ENTREP2: variants seen among roughly 807,000 people sequenced by gnomAD.
ENTREP2 encodes the protein endosomal transmembrane epsin interactor 2, also known as protein ENTREP2.
At chr15:29,389,749 G>A in the ENTREP2 span, among the ~76,000 whole-genome samples, 8 of 152,200 alleles carry the variant, frequency 5.3e-5, no homozygotes, top group East Asian at 7.8e-4. Context: ...GCCGCCTGAC[G>A]CTGCTCCCTG....
At chr15:29,642,484 T>C in the ENTREP2 span, among the ~76,000 whole-genome samples, 2 of 147,232 alleles carry the variant, frequency 1.4e-5, no homozygotes, top group African/African-American at 5.0e-5. Flanking sequence ...TATATACACA[T>C]ATATACATAT....
chr15:29,638,004 G>A, the ENTREP2 span, among the ~76,000 whole-genome samples: 6 of 152,304 alleles, frequency 3.9e-5, no homozygotes, highest in East Asian at 5.8e-4. Context: ...ACAAGGACAC[G>A]CAGGAGGCTG....
chr15:29,228,964 T>C, the ENTREP2 span, among the ~76,000 whole-genome samples: 49,997 of 151,668 alleles, frequency 0.33, 9,538 homozygotes, highest in East Asian at 0.6. Flanking sequence ...CTTTTCTTTT[T>C]TAAATTAAAA....
At chr15:29,184,230 C>G in the ENTREP2 span, among the ~76,000 whole-genome samples, 53,142 of 152,118 alleles carry the variant, frequency 0.35, 9,547 homozygotes, top group East Asian at 0.55. Context: ...AGCGATCCGC[C>G]GGCCTCGGCC....
the ENTREP2 span, chr15:29,128,826 G>A: frequency 1.9e-6 from 3 of 1,550,958 alleles, no homozygotes; most frequent in Non-Finnish European, 2.6e-6. Flanking sequence ...TTGGGTCCCC[G>A]GAGCTGGACT....
the ENTREP2 span, among the ~76,000 whole-genome samples, chr15:29,330,942 A>G: frequency 6.6e-6 from 1 of 152,154 alleles, no homozygotes; most frequent in Non-Finnish European, 1.5e-5. Flanking sequence ...ACAGCCAACC[A>G]CACCCCACCC....
the ENTREP2 span, among the ~76,000 whole-genome samples, chr15:29,554,394 G>A: frequency 6.6e-6 from 1 of 151,208 alleles, no homozygotes; most frequent in African/African-American, 2.4e-5. Flanking sequence ...GAGGGAGAGA[G>A]GGAGGAAAGG....
At chr15:29,575,242 C>G in the ENTREP2 span, among the ~76,000 whole-genome samples, 1 of 152,094 alleles carries the variant, frequency 6.6e-6, no homozygotes, top group Admixed American at 6.5e-5. Context: ...TTGCACAAGC[C>G]CCTAGGAGCT....
At chr15:29,153,141 T>G in the ENTREP2 span, among the ~76,000 whole-genome samples, 9 of 123,186 alleles carry the variant, frequency 7.3e-5, no homozygotes, top group Non-Finnish European at 1.4e-4. Context: ...GATTGTAATG[T>G]TTACTTTTTT....
the ENTREP2 span, among the ~76,000 whole-genome samples, chr15:29,439,744 C>G: frequency 1.1e-3 from 175 of 152,322 alleles, no homozygotes; most frequent in African/African-American, 4.1e-3. Context: ...TTGACACGCT[C>G]TCCCCCAGGA....
the ENTREP2 span, among the ~76,000 whole-genome samples, chr15:29,531,909 A>G: frequency 1.1e-4 from 16 of 152,130 alleles, no homozygotes; most frequent in Admixed American, 9.8e-4. Flanking sequence ...CAGGTGATCC[A>G]CCTGCCCCTA....
the ENTREP2 span, among the ~76,000 whole-genome samples, chr15:29,285,452 C>T: frequency 6.6e-6 from 1 of 152,092 alleles, no homozygotes; most frequent in Non-Finnish European, 1.5e-5. Flanking sequence ...CAGCCTTTCC[C>T]AAAACATTTG....
At chr15:29,136,078 C>T in the ENTREP2 span, among the ~76,000 whole-genome samples, 4 of 152,248 alleles carry the variant, frequency 2.6e-5, no homozygotes, top group Admixed American at 2.6e-4. Flanking sequence ...GGGAAAAGCA[C>T]CAGCACTGGG....
chr15:29,204,345 G>C, the ENTREP2 span, among the ~76,000 whole-genome samples: 1 of 152,172 alleles, frequency 6.6e-6, no homozygotes, highest in Non-Finnish European at 1.5e-5. Context: ...TCTTACAGAA[G>C]TACAAATGGG....
the ENTREP2 span, among the ~76,000 whole-genome samples, chr15:29,431,181 C>T: frequency 6.6e-6 from 1 of 152,288 alleles, no homozygotes; most frequent in Non-Finnish European, 1.5e-5. Context: ...GGCCGGGTTA[C>T]GTAACCCCGG....
At chr15:29,484,231 C>T in the ENTREP2 span, among the ~76,000 whole-genome samples, 2 of 152,168 alleles carry the variant, frequency 1.3e-5, no homozygotes, top group Admixed American at 6.5e-5. Context: ...CAGAAAGCTA[C>T]CCTATGGCCC....
At chr15:29,626,021 G>T in the ENTREP2 span, among the ~76,000 whole-genome samples, 2 of 151,788 alleles carry the variant, frequency 1.3e-5, no homozygotes, top group African/African-American at 4.8e-5. Flanking sequence ...TAATTTTTTT[G>T]TATTTTAGTA....
At chr15:29,241,829 T>G in the ENTREP2 span, among the ~76,000 whole-genome samples, 1 of 151,764 alleles carries the variant, frequency 6.6e-6, no homozygotes, top group Non-Finnish European at 1.5e-5. Context: ...GGCCAGGAGT[T>G]CAAGACTAGC....
At chr15:29,512,853 T>G in the ENTREP2 span, among the ~76,000 whole-genome samples, 1 of 152,210 alleles carries the variant, frequency 6.6e-6, no homozygotes, top group African/African-American at 2.4e-5. Flanking sequence ...TAACTGGTGA[T>G]GCACAAATCC....
Sources: gnomAD v4.1 joint callset for allele counts (sites outside exome capture counted in the v4.1 genomes callset) on GRCh38, gnomAD v4.1.1 for gene constraint, MANE v1.5 for transcripts, NCBI Gene and HGNC (gene_info 2026-07-23, HGNC 2026-07-21) for gene names.